CTIF: variants seen among roughly 807,000 people sequenced by gnomAD.
The protein encoded by CTIF is CBP80/20-dependent translation initiation factor.
CTIF carries 21 observed loss-of-function variants against 66.0 expected under a neutral mutation model. The observed-to-expected ratio is 0.32, with a 90% CI of 0.23 to 0.46. CTIF has a LOEUF of 0.46. Among genes scored for constraint, CTIF ranks in the 20% least tolerant of loss-of-function variants. The pLI, the probability that CTIF is intolerant of heterozygous loss-of-function variation, is 1.00. For synonymous variants in CTIF, 345 were observed against 326.4 expected, an observed-to-expected ratio of 1.06 and a Z score of -0.62; for missense variants, 739 against 812.7, an observed-to-expected ratio of 0.91 and a Z score of 1.10.
chr18:48,828,870 C>T (rs895838335), intron 10 of CTIF, among the ~76,000 whole-genome samples: 12 of 152,378 alleles, frequency 7.9e-5, no homozygotes, highest in Admixed American at 2.0e-4. Context: ...AGCCCCCAGC[C>T]CCGCCTTCGC....
intron 6 of CTIF, among the ~76,000 whole-genome samples, chr18:48,682,202 A>C (rs949407928): frequency 6.6e-6 from 1 of 152,186 alleles, no homozygotes; most frequent in African/African-American, 2.4e-5. Flanking sequence ...CCAGCACTTA[A>C]TATATTCCTA....
chr18:48,618,165 C>T (rs1462791267), intron 1 of CTIF, among the ~76,000 whole-genome samples: 1 of 152,232 alleles, frequency 6.6e-6, no homozygotes, highest in Non-Finnish European at 1.5e-5. Context: ...AGTGAAAACA[C>T]TCAACAAACC....
intron 7 of CTIF, among the ~76,000 whole-genome samples, chr18:48,730,312 CTTCTGCGGTGTGAGGGG>C (rs1467304257): frequency 5.0e-4 from 73 of 144,778 alleles, no homozygotes; most frequent in African/African-American, 1.5e-3. Context: ...GTGTGAGGGG[CTTCTGCGGTGTGAGGGG>C]CCCCTGCGGT....
intron 3 of CTIF, among the ~76,000 whole-genome samples, 158 bp from the exon 4 acceptor site, chr18:48,663,594 A>C (rs1199086095): frequency 6.6e-6 from 1 of 152,084 alleles, no homozygotes; most frequent in Admixed American, 6.5e-5. Context: ...GGAGGCCAGG[A>C]GACCCCCAGG....
rs531559126 is a variant in CTIF at position 48,824,799 on chromosome 18, C to T, written c.1527+7423C>T. ...GGGATTACAGACGTCCGCCACCACGCCCAGCTAATTTTTTGTATTTTTGGT... is the reference window on the plus strand; with the variant it reads ...GGGATTACAGACGTCCGCCACCACGTCCAGCTAATTTTTTGTATTTTTGGT... On this transcript the variant is annotated intron_variant, in intron 10 of 11. Transcript: ENST00000256413. 7.9e-5 allele frequency among the ~76,000 whole-genome samples: 12 copies of T among 152,258 alleles called. No homozygotes were observed. The South Asian group carries it at 2.3e-3, about 29-fold the overall frequency.
At chr18:48,795,985 C>T (rs560449897) in intron 9 of CTIF, among the ~76,000 whole-genome samples, 3 of 152,064 alleles carry the variant, frequency 2.0e-5, no homozygotes, top group Non-Finnish European at 4.4e-5. Flanking sequence ...TCCCCAAATG[C>T]CCAGGTGTTG....
At chr18:48,742,636 C>T (rs1255047818) in intron 7 of CTIF, among the ~76,000 whole-genome samples, 2 of 152,206 alleles carry the variant, frequency 1.3e-5, no homozygotes, top group Admixed American at 6.5e-5. Context: ...AGAGCCAAGG[C>T]GCAGCTCATT....
chr18:48,720,278 G>T (rs1050314935), intron 7 of CTIF, among the ~76,000 whole-genome samples: 5 of 152,152 alleles, frequency 3.3e-5, no homozygotes, highest in Non-Finnish European at 7.4e-5. Context: ...GATGGGGACG[G>T]GGGGGATGCT....
At chr18:48,798,801 A>C (rs1018403966) in intron 9 of CTIF, among the ~76,000 whole-genome samples, 6 of 152,178 alleles carry the variant, frequency 3.9e-5, no homozygotes, top group Non-Finnish European at 7.3e-5. Flanking sequence ...TCCAGCAGAC[A>C]CTTGGCAACG....
Position 48,761,386 on chromosome 18 carries a change from C to G in CTIF, c.1072-4C>G, listed in dbSNP as rs377077939. 6.8e-6 allele frequency: 11 copies of G among 1,611,840 alleles called. No individual in the cohort carries two copies. Among genetic ancestry groups the G allele is most frequent in the African/African-American group, 5.3e-5 (4 of 75,042 alleles). On this transcript the variant is annotated splice_region_variant and splice_polypyrimidine_tract_variant and intron_variant, in intron 8 of 11. Transcript: ENST00000256413. This position sits in a 1 kb window ranked among gnomAD's most constrained non-coding sequence, Gnocchi z 4.2. ...GCACATTCATTTGTCTCCGACACCC[C>G]CAGGATGAAGTGGCCGTGGAGACGA...
At chr18:48,579,969 A>G (rs1402136111) in intron 1 of CTIF, among the ~76,000 whole-genome samples, 2 of 152,224 alleles carry the variant, frequency 1.3e-5, no homozygotes, top group Non-Finnish European at 2.9e-5. Flanking sequence ...AGGAACTACG[A>G]TGTCTCTGAT....
intron 10 of CTIF, among the ~76,000 whole-genome samples, chr18:48,819,322 C>T (rs73433408): frequency 0.12 from 18,772 of 152,214 alleles, 1,519 homozygotes; most frequent in Admixed American, 0.26. Context: ...GCCTGCGTGG[C>T]CTCTTGGGTC....
intron 1 of CTIF, among the ~76,000 whole-genome samples, chr18:48,552,704 G>A (rs553876097): frequency 1.3e-5 from 2 of 152,212 alleles, no homozygotes; most frequent in East Asian, 3.9e-4. Flanking sequence ...AATTTTGGGG[G>A]GATACATTCA....
At chr18:48,684,225 G>T (rs370278248) in intron 6 of CTIF, among the ~76,000 whole-genome samples, 27 of 152,254 alleles carry the variant, frequency 1.8e-4, no homozygotes, top group African/African-American at 5.3e-4. Context: ...GGGGAGGTGG[G>T]CCCCAAACAC....
At chr18:48,723,487 T>C (rs906984884) in intron 7 of CTIF, among the ~76,000 whole-genome samples, 5 of 152,158 alleles carry the variant, frequency 3.3e-5, no homozygotes, top group African/African-American at 9.7e-5. Context: ...ATAGACATAT[T>C]TAGGAAGCCC....
In CTIF at chr18:48,841,521, G is replaced by A. The variant is rs189172682; in HGVS notation, c.1528-16067G>A. On this transcript the variant is annotated intron_variant, in intron 10 of 11. Transcript: ENST00000256413. ...AGGAAAGGACTGTTTCGCAAGCCAG[G>A]CCCGGCGTTCTGAGCTGGCCTGTCC... 1.8e-3 allele frequency among the ~76,000 whole-genome samples: 275 copies of A among 152,340 alleles called. 2 individuals are homozygous for A. The highest frequency in any genetic ancestry group is 3.9e-3 in the South Asian group (19 of 4,830).
intron 9 of CTIF, among the ~76,000 whole-genome samples, chr18:48,776,612 G>A (rs1206890585): frequency 6.6e-6 from 1 of 152,260 alleles, no homozygotes; most frequent in Non-Finnish European, 1.5e-5. Flanking sequence ...GGTCGGGTGT[G>A]GTCTGTGGGT....
Position 48,649,733 on chromosome 18 carries a change from A to G in CTIF, c.252+13048A>G, listed in dbSNP as rs553962888. 1.6e-3 allele frequency among the ~76,000 whole-genome samples: 241 copies of G among 152,190 alleles called. 1 individual carries two copies. Among genetic ancestry groups the G allele is most frequent in the African/African-American group, 5.4e-3 (225 of 41,522 alleles). ...ACTGACACCTCATACAGGCAGGTGC[A>G]CCTCTGGGACAAAGCTTCCAGAGGA... On this transcript the variant is annotated intron_variant, in intron 3 of 11. Transcript: ENST00000256413.
At chr18:48,611,153 C>T (rs2090301282) in intron 1 of CTIF, among the ~76,000 whole-genome samples, 2 of 152,224 alleles carry the variant, frequency 1.3e-5, no homozygotes, top group Non-Finnish European at 2.9e-5. Context: ...TCCCAGTGTC[C>T]TCACCTGCGT....
Sources: gnomAD v4.1 joint callset for allele counts (sites outside exome capture counted in the v4.1 genomes callset) on GRCh38, gnomAD v4.1.1 for gene constraint, Gnocchi (gnomAD v3.1) non-coding constraint, MANE v1.5 for transcripts, NCBI Gene and HGNC (gene_info 2026-07-23, HGNC 2026-07-21) for gene names.